Variants in ZNF492 observed in about 807,000 individuals in gnomAD.
ZNF492 encodes zinc finger protein 115 (Y20).
In ZNF492, 3 loss-of-function variants were observed where a neutral mutation model predicts 6.4. The ratio of observed to expected loss-of-function variants is 0.47; its 90% CI spans 0.21 to 1.22. The LOEUF (loss-of-function observed/expected upper bound fraction) is 1.22. ZNF492 is among the 50% of genes most tolerant of loss of function. The probability of loss-of-function intolerance (pLI) is 0.22; values close to 1 mark genes in which losing one functional copy is unlikely to be tolerated. For synonymous variants in ZNF492, 112 were observed against 205.3 expected, an observed-to-expected ratio of 0.55 and a Z score of 3.89; for missense variants, 356 against 612.5, an observed-to-expected ratio of 0.58 and a Z score of 4.42.
intron 1 of ZNF492, among the ~76,000 whole-genome samples, chr19:22,640,453 C>T (rs565855146): frequency 1.3e-4 from 20 of 152,302 alleles, no homozygotes; most frequent in South Asian, 2.1e-4. Flanking sequence ...TGAGCCACCA[C>T]GCCCCACCTC....
At chr19:22,653,207 A>G (rs1971959647) in intron 1 of ZNF492, 100 bp from the exon 2 acceptor site, 3 of 1,364,176 alleles carry the variant, frequency 2.2e-6, no homozygotes, top group East Asian at 4.6e-5. Flanking sequence ...TCCTATAAGT[A>G]AGAACCAGTT....
Position 22,666,134 on chromosome 19 carries a change from A to G in ZNF492, c.*869A>G, listed in dbSNP as rs1422230012. ...TCAAATTACTTCGTGTTAATGTTGTAATTAACTCTCAAATTACTTCATGCT... is the reference window on the plus strand; with the variant it reads ...TCAAATTACTTCGTGTTAATGTTGTGATTAACTCTCAAATTACTTCATGCT... On this transcript the variant is annotated 3_prime_UTR_variant, in exon 4 of 4. Transcript: ENST00000456783. 1.3e-5 allele frequency: 2 copies of G among 151,878 alleles called. No individual in the cohort carries two copies. The highest frequency in any genetic ancestry group is 2.9e-5 in the Non-Finnish European group (2 of 67,974). The allele number at this position is 151,878 out of a possible 1,614,324, so 9.4% of individuals were successfully genotyped here.
At chr19:22,660,171 ACT>A (rs1972044045) in intron 3 of ZNF492, among the ~76,000 whole-genome samples, 1 of 143,716 alleles carries the variant, frequency 7.0e-6, no homozygotes, top group East Asian at 2.0e-4. Context: ...ATCTCTACTG[ACT>A]CTTGTAGAAA....
At chr19:22,653,489 T>G (rs1193803412) in intron 2 of ZNF492, 56 bp downstream of exon 2, 4 of 1,579,922 alleles carry the variant, frequency 2.5e-6, no homozygotes, top group Non-Finnish European at 2.6e-6. Context: ...TTTATTTCTC[T>G]TTTTTGTAGA....
intron 1 of ZNF492, among the ~76,000 whole-genome samples, chr19:22,652,221 CTTTT>C (rs59051481): frequency 9.5e-6 from 1 of 105,506 alleles, no homozygotes; most frequent in Non-Finnish European, 1.7e-5. Flanking sequence ...CTTTCTTAGG[CTTTT>C]TTTTTTTTTT....
At chr19:22,641,058 T>C (rs2145243824) in intron 1 of ZNF492, among the ~76,000 whole-genome samples, 1 of 152,304 alleles carries the variant, frequency 6.6e-6, no homozygotes, top group East Asian at 1.9e-4. Context: ...AAAATTTTAC[T>C]CCTGTACTTG....
chr19:22,651,932 C>T (rs1319872492), intron 1 of ZNF492, among the ~76,000 whole-genome samples: 1 of 152,066 alleles, frequency 6.6e-6, no homozygotes, highest in Non-Finnish European at 1.5e-5. Context: ...CAGAACATGG[C>T]AGATATTGGT....
chr19:22,662,124 C>T (rs552472621), intron 3 of ZNF492, among the ~76,000 whole-genome samples: 82 of 152,224 alleles, frequency 5.4e-4, no homozygotes, highest in African/African-American at 1.9e-3. Flanking sequence ...TGATGTTCCC[C>T]GCCCTGTGTC....
At chr19:22,654,989 G>A (rs1298512368) in intron 3 of ZNF492, among the ~76,000 whole-genome samples, 1 of 151,506 alleles carries the variant, frequency 6.6e-6, no homozygotes, top group African/African-American at 2.4e-5. Flanking sequence ...TAGATAACAC[G>A]GCACTTTAAT....
chr19:22,655,781 T>C (rs1971988655), intron 3 of ZNF492, among the ~76,000 whole-genome samples: 2 of 148,394 alleles, frequency 1.3e-5, no homozygotes, highest in African/African-American at 5.0e-5. Flanking sequence ...TCTGTGAGTT[T>C]GAAGGAGCAA....
intron 1 of ZNF492, among the ~76,000 whole-genome samples, chr19:22,638,012 T>C (rs1019248215): frequency 2.0e-5 from 3 of 152,236 alleles, no homozygotes; most frequent in African/African-American, 4.8e-5. Context: ...CACATGTATG[T>C]CTTCTTCGAA....
intron 1 of ZNF492, among the ~76,000 whole-genome samples, chr19:22,640,319 G>A (rs1276011261): frequency 1.3e-5 from 2 of 151,972 alleles, no homozygotes; most frequent in Non-Finnish European, 2.9e-5. Flanking sequence ...TTGCTACCAC[G>A]CTCGGCTAAT....
At chr19:22,642,999 C>G (rs192678820) in intron 1 of ZNF492, among the ~76,000 whole-genome samples, 2 of 152,302 alleles carry the variant, frequency 1.3e-5, no homozygotes, top group African/African-American at 4.8e-5. Context: ...CGTGGTGGCT[C>G]ACTCCTGTAA....
At chr19:22,647,511 ATC>A (rs755162825) in intron 1 of ZNF492, among the ~76,000 whole-genome samples, 138 of 146,342 alleles carry the variant, frequency 9.4e-4, no homozygotes, top group Non-Finnish European at 1.6e-3. Context: ...ATCCCCCCCA[ATC>A]TCGGCCTCCC....
rs1231737487 is a variant in ZNF492, at chr19:22,667,520, T to G, written c.*2255T>G. On this transcript the variant is annotated 3_prime_UTR_variant, in exon 4 of 4. Coordinates refer to ENST00000456783, the MANE Select transcript of ZNF492 (RefSeq NM_020855.3). ...TATCCATCACCTTTAGAATTTATTT[T>G]TTGTATTATGAACAGTTCAATTGTA... is the stretch of plus-strand genomic sequence containing the variant. 2 of 152,090 alleles carry G rather than the reference T, an allele frequency of 1.3e-5. No individual in the cohort carries two copies. The highest frequency in any genetic ancestry group is 3.9e-4 in the East Asian group (2 of 5,190). The allele number at this position is 152,090 out of a possible 1,614,324, so 9.4% of individuals were successfully genotyped here.
chr19:22,650,349 G>C (rs1475690235), intron 1 of ZNF492, among the ~76,000 whole-genome samples: 6 of 152,274 alleles, frequency 3.9e-5, no homozygotes, highest in Middle Eastern at 3.4e-3. Context: ...GAACACAGCT[G>C]TATAGGGTGT....
intron 1 of ZNF492, among the ~76,000 whole-genome samples, chr19:22,635,893 G>T (rs1971756580): frequency 6.6e-6 from 1 of 152,092 alleles, no homozygotes; most frequent in Admixed American, 6.6e-5. Flanking sequence ...TTGGTTCAGG[G>T]GTACACATGC....
intron 1 of ZNF492, 128 bp from the exon 2 acceptor site, chr19:22,653,179 A>G (rs1971959464): frequency 5.6e-6 from 6 of 1,063,946 alleles, no homozygotes; most frequent in Middle Eastern, 2.1e-4. Context: ...AAAGTTATTT[A>G]TTAAATATAT....
chr19:22,637,276 C>G (rs1323947255), intron 1 of ZNF492, among the ~76,000 whole-genome samples: 2 of 152,014 alleles, frequency 1.3e-5, no homozygotes, highest in Non-Finnish European at 2.9e-5. Context: ...TGCACCCGGC[C>G]TAAACCTTTT....
Sources: allele counts gnomAD v4.1 joint callset (sites outside exome capture counted in the v4.1 genomes callset), GRCh38; gene constraint gnomAD v4.1.1; transcripts MANE v1.5; gene names NCBI Gene and HGNC (gene_info 2026-07-23, HGNC 2026-07-21).